Variants in PARD3 observed in about 807,000 individuals in gnomAD.
The protein encoded by PARD3 is partitioning defective 3 homolog.
PARD3 carries 75 observed loss-of-function variants against 155.4 expected under a neutral mutation model. The ratio of observed to expected loss-of-function variants is 0.48; its 90% CI spans 0.40 to 0.58. The LOEUF (loss-of-function observed/expected upper bound fraction) is 0.58, where lower values mean the gene tolerates loss of function less well. Ranked by LOEUF, PARD3 falls within the 20% of genes least tolerant of loss-of-function variation. PARD3 has a pLI of 0.00. For missense variants in PARD3, 1,642 were observed against 1,721.7 expected, an observed-to-expected ratio of 0.95 and a Z score of 0.82; for synonymous variants, 576 against 610.5, an observed-to-expected ratio of 0.94 and a Z score of 0.83.
intron 22 of PARD3, among the ~76,000 whole-genome samples, chr10:34,182,099 A>G (rs940765720): frequency 6.6e-6 from 1 of 152,230 alleles, no homozygotes; most frequent in Non-Finnish European, 1.5e-5. Flanking sequence ...ACCGCACAGC[A>G]AAACCAGCTG....
intron 19 of PARD3, among the ~76,000 whole-genome samples, chr10:34,329,769 G>A (rs939974534): frequency 6.6e-5 from 10 of 152,128 alleles, no homozygotes; most frequent in African/African-American, 2.4e-4. Flanking sequence ...GGATTTAGAT[G>A]GAGAATCAGG....
At chr10:34,447,912 G>A (rs1043634859) in intron 5 of PARD3, among the ~76,000 whole-genome samples, 3 of 152,138 alleles carry the variant, frequency 2.0e-5, no homozygotes, top group Admixed American at 6.5e-5. Context: ...CAGCCTCTAT[G>A]AAACAGTAAG....
At chr10:34,584,321 T>C (rs1244832866) in intron 2 of PARD3, among the ~76,000 whole-genome samples, 1 of 152,154 alleles carries the variant, frequency 6.6e-6, no homozygotes, top group Non-Finnish European at 1.5e-5. Context: ...CTTTCTAGTG[T>C]AGTAAGGAGG....
intron 22 of PARD3, among the ~76,000 whole-genome samples, chr10:34,215,726 G>A (rs1487369170): frequency 1.3e-5 from 2 of 152,304 alleles, no homozygotes; most frequent in East Asian, 3.9e-4. Context: ...TCTAAGGAAA[G>A]CCATATTTCC....
chr10:34,405,044 C>T (rs1423801826), intron 5 of PARD3, among the ~76,000 whole-genome samples: 1 of 150,730 alleles, frequency 6.6e-6, no homozygotes, highest in African/African-American at 2.5e-5. Flanking sequence ...TGCACTCCAG[C>T]CTGGGTGACA....
intron 5 of PARD3, among the ~76,000 whole-genome samples, chr10:34,414,848 C>T (rs537106721): frequency 1.7e-4 from 26 of 151,832 alleles, no homozygotes; most frequent in African/African-American, 5.1e-4. Context: ...TAAAAAGCAA[C>T]GTCACTAAGT....
intron 22 of PARD3, among the ~76,000 whole-genome samples, chr10:34,236,369 G>A (rs538140929): frequency 1.2e-4 from 18 of 152,158 alleles, no homozygotes; most frequent in African/African-American, 3.1e-4. Context: ...CTGCCTGACC[G>A]GGACTACTTT....
chr10:34,647,163 AGATC>A (rs2092865535), intron 2 of PARD3, among the ~76,000 whole-genome samples: 1 of 152,226 alleles, frequency 6.6e-6, no homozygotes, highest in Non-Finnish European at 1.5e-5. Context: ...CACGTTTTGA[AGATC>A]CATCCATTAT....
At chr10:34,611,287 C>A (rs1051615267) in intron 2 of PARD3, among the ~76,000 whole-genome samples, 1 of 152,172 alleles carries the variant, frequency 6.6e-6, no homozygotes, top group Non-Finnish European at 1.5e-5. Flanking sequence ...AGGTAACATA[C>A]ATATAAATAA....
chr10:34,360,268 G>C lies in PARD3; in HGVS notation c.1708-9C>G. 6.3e-7 allele frequency: 1 copy of C among 1,597,094 alleles called. No individual in the cohort carries two copies. The highest frequency in any genetic ancestry group is 1.1e-5 in the South Asian group (1 of 90,696). On this transcript the variant is annotated splice_polypyrimidine_tract_variant and intron_variant, in intron 12 of 24. Coordinates refer to ENST00000374788, the MANE Select transcript of PARD3 (RefSeq NM_001184785.2). The stretch of plus-strand genomic sequence containing the variant: ...TCCTCATCTTCTGCTTTCTAATAGG[G>C]AACAAAATTGCACAGCACATTATAG...
At position 34,696,088 on chromosome 10, in the gene PARD3, A is replaced by T. The variant is rs191410920; in HGVS notation, c.222+230T>A. 2.0e-5 allele frequency among the ~76,000 whole-genome samples: 3 copies of T among 152,214 alleles called. No individual in the cohort carries two copies. The South Asian group carries it at 6.2e-4, about 32-fold the overall frequency. ...TCCATTGTAAAAGTGTAGTTTTAAAACCCCAAAACCTAGTGTTAAGTCCCA... is the reference window on the plus strand; with the variant it reads ...TCCATTGTAAAAGTGTAGTTTTAAATCCCCAAAACCTAGTGTTAAGTCCCA... On this transcript the variant is annotated intron_variant, in intron 2 of 24. Coordinates refer to ENST00000374788, the MANE Select transcript of PARD3 (RefSeq NM_001184785.2).
At chr10:34,563,894 G>A (rs542061101) in intron 2 of PARD3, among the ~76,000 whole-genome samples, 20 of 152,250 alleles carry the variant, frequency 1.3e-4, no homozygotes, top group South Asian at 2.1e-4. Flanking sequence ...ATAAAACACC[G>A]TGTCTTGTAT....
At chr10:34,348,889 A>G (rs1837707505) in intron 14 of PARD3, among the ~76,000 whole-genome samples, 2 of 152,248 alleles carry the variant, frequency 1.3e-5, no homozygotes, top group Non-Finnish European at 2.9e-5. Context: ...ATTAAAATGT[A>G]TCGGGCATTT....
chr10:34,626,344 T>C (rs2091980567), intron 2 of PARD3, among the ~76,000 whole-genome samples: 1 of 152,162 alleles, frequency 6.6e-6, no homozygotes, highest in Non-Finnish European at 1.5e-5. Context: ...GTACACTTTC[T>C]CTCTCCCCCC....
chr10:34,449,020 G>A (rs892199259), intron 5 of PARD3, among the ~76,000 whole-genome samples: 34 of 149,304 alleles, frequency 2.3e-4, no homozygotes, highest in African/African-American at 6.0e-4. Context: ...CCGGGTTCAC[G>A]CCATTCTCCT....
intron 2 of PARD3, among the ~76,000 whole-genome samples, chr10:34,649,495 A>C (rs1025589757): frequency 6.6e-6 from 1 of 152,240 alleles, no homozygotes; most frequent in Non-Finnish European, 1.5e-5. Context: ...TTGTGCATCC[A>C]AACATAGACA....
chr10:34,202,035 CATTAAT>C (rs1951241132), intron 22 of PARD3: 1 of 152,150 alleles, frequency 6.6e-6, no homozygotes, highest in Non-Finnish European at 1.5e-5. Flanking sequence ...GTGACACTAA[CATTAAT>C]AAGTTCTGAT....
At chr10:34,731,553 C>T (rs1314906802) in intron 1 of PARD3, among the ~76,000 whole-genome samples, 1 of 152,034 alleles carries the variant, frequency 6.6e-6, no homozygotes, top group Non-Finnish European at 1.5e-5. Flanking sequence ...CTTTTGAGGT[C>T]GTAAAATAAA....
rs542982687 is a variant in PARD3, at chr10:34,541,773, C to T, written c.223-24614G>A. 3.9e-4 allele frequency among the ~76,000 whole-genome samples: 59 copies of T among 152,324 alleles called. 1 individual carries two copies. In the South Asian group the frequency reaches 8.7e-3, roughly 23 times the overall value. On this transcript the variant is annotated intron_variant, in intron 2 of 24. Transcript: ENST00000374788. ...TATATGTATTCATCAGTACACATCC[C>T]ATCCACAGAGAACCCAGAATAAGCA...
Sources: allele counts gnomAD v4.1 joint callset (sites outside exome capture counted in the v4.1 genomes callset), GRCh38; gene constraint gnomAD v4.1.1; transcripts MANE v1.5; gene names NCBI Gene and HGNC (gene_info 2026-07-23, HGNC 2026-07-21).